Variants in MEGF11 observed in about 807,000 individuals in gnomAD.
The protein encoded by MEGF11 is multiple epidermal growth factor-like domains protein 11.
A neutral mutation model predicts 146.6 loss-of-function variants in MEGF11; 126 were observed. The ratio of observed to expected loss-of-function variants is 0.86; its 90% CI spans 0.74 to 1.00. The LOEUF is 1.00. MEGF11 is among the 50% of genes least tolerant of loss of function. The pLI, the probability that MEGF11 is intolerant of heterozygous loss-of-function variation, is 0.00. For synonymous variants in MEGF11, 532 were observed against 583.4 expected, an observed-to-expected ratio of 0.91 and a Z score of 1.27; for missense variants, 1,509 against 1,521.2, an observed-to-expected ratio of 0.99 and a Z score of 0.13.
At chr15:66,160,886 A>C (rs1454327628) in intron 1 of MEGF11, among the ~76,000 whole-genome samples, 1 of 152,186 alleles carries the variant, frequency 6.6e-6, no homozygotes, top group Non-Finnish European at 1.5e-5. Context: ...CAGCTTAAAC[A>C]GAGTGGCCTG....
chr15:66,065,779 C>T (rs1209118144), intron 5 of MEGF11, among the ~76,000 whole-genome samples: 4 of 152,140 alleles, frequency 2.6e-5, no homozygotes, highest in African/African-American at 9.7e-5. Context: ...ACTTGGCAAA[C>T]ATCAAGATCT....
At chr15:66,222,882 T>C (rs927129172) in intron 1 of MEGF11, among the ~76,000 whole-genome samples, 5 of 152,216 alleles carry the variant, frequency 3.3e-5, no homozygotes, top group Non-Finnish European at 5.9e-5. Context: ...CCTCATACAC[T>C]GCTGGTGGGA....
At chr15:65,944,462 T>C (rs2141395466) in intron 10 of MEGF11, among the ~76,000 whole-genome samples, 1 of 152,192 alleles carries the variant, frequency 6.6e-6, no homozygotes, top group South Asian at 2.1e-4. Context: ...GTTGGGGGGC[T>C]GCAGGGTAAG....
At chr15:65,970,782 C>T in intron 7 of MEGF11, 93 bp from the exon 8 acceptor site, 1 of 1,414,694 alleles carries the variant, frequency 7.1e-7, no homozygotes, top group Non-Finnish European at 9.6e-7. Flanking sequence ...CAGGGACCAC[C>T]CAACTTCCCA....
At chr15:66,020,249 G>GT (rs1322808348) in intron 5 of MEGF11, among the ~76,000 whole-genome samples, 3 of 152,262 alleles carry the variant, frequency 2.0e-5, no homozygotes, top group Non-Finnish European at 2.9e-5. Context: ...GGAACATTGG[G>GT]TAAGTAGGTG....
chr15:66,094,332 A>T (rs927900471), intron 5 of MEGF11, 70 bp downstream of exon 5: 43 of 1,345,506 alleles, frequency 3.2e-5, no homozygotes, highest in Non-Finnish European at 3.9e-5. Context: ...TGTAGCATGC[A>T]CACACCACAA....
intron 12 of MEGF11, 45 bp from the exon 13 acceptor site, chr15:65,928,572 CA>C (rs774345047): frequency 1.5e-6 from 2 of 1,355,232 alleles, no homozygotes; most frequent in Non-Finnish European, 2.1e-6. Context: ...CCCAAACCTC[CA>C]GAGGTTTGTG....
intron 10 of MEGF11, among the ~76,000 whole-genome samples, chr15:65,935,264 G>A (rs2079730834): frequency 7.1e-6 from 1 of 139,878 alleles, no homozygotes; most frequent in African/African-American, 2.7e-5. Flanking sequence ...AGATTGCAGT[G>A]AGCCGAGGTC....
intron 1 of MEGF11, among the ~76,000 whole-genome samples, chr15:66,172,254 G>A (rs1045576321): frequency 1.3e-5 from 2 of 152,132 alleles, no homozygotes; most frequent in Non-Finnish European, 1.5e-5. Flanking sequence ...GACATCAGCA[G>A]GAATCAAAAA....
At chr15:65,926,683 T>C (rs912709430) in intron 13 of MEGF11, among the ~76,000 whole-genome samples, 2 of 152,186 alleles carry the variant, frequency 1.3e-5, no homozygotes, top group African/African-American at 4.8e-5. Flanking sequence ...CAATCACTTC[T>C]TTGAAAAGAC....
chr15:66,023,614 G>C (rs2083233182), intron 5 of MEGF11, among the ~76,000 whole-genome samples: 1 of 152,230 alleles, frequency 6.6e-6, no homozygotes, highest in Non-Finnish European at 1.5e-5. Flanking sequence ...GTTGCAAAAA[G>C]GCTCCTCTGT....
rs1289731330 is a variant in MEGF11, at chr15:65,930,845, A to G, written c.1386T>C (p.Asp462=). The G allele has an allele frequency of 6.2e-7, 1 of 1,611,016 alleles. No individual in the cohort carries two copies. The highest frequency in any genetic ancestry group is 1.3e-5 in the African/African-American group (1 of 75,000). ...TACCTTCCTTGCAGGTACAGGAGCC[A>G]TCTACTGGGGAGCAGGTGCCACCAT... is the stretch of plus-strand genomic sequence containing the variant. ...CNNGGTCSPV[D]GSCTCKEGWQ... is the part of the protein sequence containing the mutation. Residue 462 remains aspartate, a synonymous_variant, in exon 11 of 26, where the codon GAT becomes GAC. Transcript: ENST00000395614.
At chr15:65,991,596 A>C (rs763440121) in intron 5 of MEGF11, among the ~76,000 whole-genome samples, 3 of 152,210 alleles carry the variant, frequency 2.0e-5, no homozygotes, top group Non-Finnish European at 2.9e-5. Context: ...TGGCAATCAA[A>C]AGTGCCTCCA....
At chr15:66,098,576 G>T (rs1222783381) in intron 4 of MEGF11, among the ~76,000 whole-genome samples, 1 of 152,160 alleles carries the variant, frequency 6.6e-6, no homozygotes, top group Non-Finnish European at 1.5e-5. Context: ...GGAAAGGGTG[G>T]TAGCCTCCCA....
At chr15:66,032,585 A>C (rs1243711161) in intron 5 of MEGF11, among the ~76,000 whole-genome samples, 1 of 152,242 alleles carries the variant, frequency 6.6e-6, no homozygotes. Context: ...AAAGTCATAG[A>C]TGGAACTAAG....
intron 24 of MEGF11, among the ~76,000 whole-genome samples, chr15:65,899,758 C>G (rs1004600598): frequency 5.3e-5 from 8 of 152,164 alleles, no homozygotes; most frequent in African/African-American, 1.9e-4. Context: ...TGCTTACCCC[C>G]CTGTTCTTGT....
intron 1 of MEGF11, among the ~76,000 whole-genome samples, chr15:66,242,475 G>A (rs899853359): frequency 1.4e-5 from 2 of 144,420 alleles, no homozygotes; most frequent in African/African-American, 5.1e-5. Context: ...AAGAAAGAGA[G>A]AGGGAGGGAG....
rs558064420 is a variant in MEGF11, at chr15:66,230,892, G to A, written c.-9+22713C>T. Among the ~76,000 whole-genome samples the A allele has an allele frequency of 9.2e-5, 14 of 152,280 alleles. No individual in the cohort carries two copies. In the South Asian group the frequency reaches 2.9e-3, roughly 32 times the overall value. On this transcript the variant is annotated intron_variant, in intron 1 of 25. Transcript: ENST00000395614. ...GAAACCCAGAGAGGGGACTTGGCTC[G>A]TCCAAATCACTCAGTCTGTGTGGAC...
intron 1 of MEGF11, among the ~76,000 whole-genome samples, chr15:66,185,397 GT>G (rs925893117): frequency 3.4e-4 from 51 of 151,922 alleles, no homozygotes; most frequent in African/African-American, 1.1e-3. Flanking sequence ...CTTTTGTGGG[GT>G]TTTTTTTCTT....
Sources: gnomAD v4.1 joint callset for allele counts (sites outside exome capture counted in the v4.1 genomes callset) on GRCh38, gnomAD v4.1.1 for gene constraint, MANE v1.5 for transcripts, NCBI Gene and HGNC (gene_info 2026-07-23, HGNC 2026-07-21) for gene names.